Variants in ILDR1 observed in about 807,000 individuals in gnomAD.
The protein encoded by ILDR1 is immunoglobulin-like domain-containing receptor 1.
A neutral mutation model predicts 62.4 loss-of-function variants in ILDR1; 56 were observed. That is an observed-to-expected ratio of 0.90 (90% CI 0.72 to 1.12). ILDR1 has a LOEUF of 1.12. Ranked by LOEUF, ILDR1 falls within the 50% of genes most tolerant of loss-of-function variation. ILDR1 has a pLI of 0.00. For missense variants in ILDR1, 736 were observed against 710.6 expected, an observed-to-expected ratio of 1.04 and a Z score of -0.41; for synonymous variants, 284 against 277.8, an observed-to-expected ratio of 1.02 and a Z score of -0.22.
intron 7 of ILDR1, among the ~76,000 whole-genome samples, chr3:121,991,027 C>G (rs2071336865): frequency 6.6e-6 from 1 of 152,150 alleles, no homozygotes; most frequent in South Asian, 2.1e-4. Flanking sequence ...TGGTGAAACC[C>G]CATCTGTACT....
chr3:122,009,920 C>G (rs1380740541), intron 1 of ILDR1, among the ~76,000 whole-genome samples: 1 of 152,228 alleles, frequency 6.6e-6, no homozygotes, highest in Non-Finnish European at 1.5e-5. Context: ...ATGACCTGAC[C>G]ACCTATCTCC....
At chr3:122,025,910 T>C (rs951614073), upstream of ILDR1, among the ~76,000 whole-genome samples, 1 of 152,194 alleles carries the variant, frequency 6.6e-6, no homozygotes, top group Non-Finnish European at 1.5e-5. Context: ...ATAGATATAC[T>C]CAATAAATAT....
At chr3:122,042,556 C>T in the ILDR1 span, among the ~76,000 whole-genome samples, 6 of 146,492 alleles carry the variant, frequency 4.1e-5, no homozygotes, top group African/African-American at 1.5e-4. Flanking sequence ...GTTCCTATTT[C>T]TCCACATCCT....
intron 1 of ILDR1, among the ~76,000 whole-genome samples, chr3:122,008,060 C>T (rs2071643098): frequency 6.6e-6 from 1 of 152,154 alleles, no homozygotes; most frequent in African/African-American, 2.4e-5. Context: ...ACCTACTTGG[C>T]ACCCAACAAA....
chr3:122,026,174 GC>G (rs2071920310), upstream of ILDR1, among the ~76,000 whole-genome samples: 2 of 152,212 alleles, frequency 1.3e-5, no homozygotes, highest in South Asian at 2.1e-4. Flanking sequence ...ACAATGGAGA[GC>G]CAATGAAGAA....
chr3:122,027,849 T>A, the ILDR1 span, among the ~76,000 whole-genome samples: 608 of 152,214 alleles, frequency 4.0e-3, 7 homozygotes, highest in African/African-American at 0.013. Flanking sequence ...GGGTTGTGAG[T>A]ACCTCCAATT....
At chr3:122,028,671 T>C in the ILDR1 span, among the ~76,000 whole-genome samples, 7 of 152,306 alleles carry the variant, frequency 4.6e-5, no homozygotes, top group East Asian at 1.4e-3. Flanking sequence ...TATTAAACAT[T>C]AGAAGACACT....
chr3:122,040,386 C>T, the ILDR1 span, among the ~76,000 whole-genome samples: 1 of 151,572 alleles, frequency 6.6e-6, no homozygotes, highest in Non-Finnish European at 1.5e-5. Flanking sequence ...TAAAAAATAT[C>T]CATAGTTTTA....
At chr3:122,051,560 T>A in the ILDR1 span, among the ~76,000 whole-genome samples, 2 of 152,178 alleles carry the variant, frequency 1.3e-5, no homozygotes, top group African/African-American at 4.8e-5. Context: ...AGCATCAATA[T>A]GATGGTTATT....
At chr3:122,008,707 C>A (rs547007459) in intron 1 of ILDR1, among the ~76,000 whole-genome samples, 1 of 151,600 alleles carries the variant, frequency 6.6e-6, no homozygotes, top group Admixed American at 6.6e-5. Flanking sequence ...GATTCTCCTG[C>A]CTCAGCCTCC....
chr3:122,016,490 T>G (rs1044241860), intron 1 of ILDR1, among the ~76,000 whole-genome samples: 3 of 152,214 alleles, frequency 2.0e-5, no homozygotes, highest in Non-Finnish European at 4.4e-5. Context: ...AAATTTTAAG[T>G]GCCCTAAAAG....
chr3:122,038,030 A>G, the ILDR1 span, among the ~76,000 whole-genome samples: 4 of 151,992 alleles, frequency 2.6e-5, no homozygotes, highest in Non-Finnish European at 2.9e-5. Context: ...CCATGATTGT[A>G]AGTTTCCTGA....
At chr3:122,010,646 T>C in intron 1 of ILDR1, among the ~76,000 whole-genome samples, 1 of 152,206 alleles carries the variant, frequency 6.6e-6, no homozygotes, top group Admixed American at 6.5e-5. Context: ...CTTCCAGAAC[T>C]GACCTGAAAT....
At chr3:122,053,992 ATAACT>A in the ILDR1 span, among the ~76,000 whole-genome samples, 5 of 152,332 alleles carry the variant, frequency 3.3e-5, no homozygotes, top group African/African-American at 7.2e-5. Context: ...TTGAAGATAG[ATAACT>A]TATATTATTG....
At chr3:122,008,738 C>T (rs1481841087) in intron 1 of ILDR1, among the ~76,000 whole-genome samples, 1 of 151,452 alleles carries the variant, frequency 6.6e-6, no homozygotes, top group Non-Finnish European at 1.5e-5. Context: ...GGATCACAGG[C>T]GCCTACCATC....
the ILDR1 span, among the ~76,000 whole-genome samples, chr3:122,035,997 A>C: frequency 6.6e-6 from 1 of 152,220 alleles, no homozygotes; most frequent in Non-Finnish European, 1.5e-5. Context: ...TTTTGACCAA[A>C]ATGCTGATAG....
chr3:122,059,063 G>A, the ILDR1 span, among the ~76,000 whole-genome samples: 1 of 152,142 alleles, frequency 6.6e-6, no homozygotes, highest in Non-Finnish European at 1.5e-5. Flanking sequence ...AAGACAGATG[G>A]TGAATTCCTT....
intron 1 of ILDR1, among the ~76,000 whole-genome samples, chr3:122,018,038 C>T (rs1288591039): frequency 2.6e-5 from 4 of 152,184 alleles, no homozygotes; most frequent in Admixed American, 2.6e-4. Flanking sequence ...CATCCCACTA[C>T]TGGGCATATA....
intron 5 of ILDR1, among the ~76,000 whole-genome samples, chr3:121,995,805 C>T (rs923004779): frequency 1.3e-5 from 2 of 152,168 alleles, no homozygotes; most frequent in Admixed American, 6.5e-5. Context: ...AACTAGTTCT[C>T]TGAAAAATCT....
Sources: allele counts gnomAD v4.1 joint callset (sites outside exome capture counted in the v4.1 genomes callset), GRCh38; gene constraint gnomAD v4.1.1; transcripts MANE v1.5; gene names NCBI Gene and HGNC (gene_info 2026-07-23, HGNC 2026-07-21).